Variants in PALM2AKAP2 observed in about 807,000 individuals in gnomAD.
PALM2AKAP2 encodes the protein PALM2 and AKAP2 fusion.
PALM2AKAP2 carries 37 observed loss-of-function variants against 71.5 expected under a neutral mutation model. The observed-to-expected ratio is 0.52, with a 90% CI of 0.40 to 0.68. The LOEUF (loss-of-function observed/expected upper bound fraction) is 0.68, where lower values mean the gene tolerates loss of function less well. Ranked by LOEUF, PALM2AKAP2 falls within the 30% of genes least tolerant of loss-of-function variation. The pLI is 0.00. For missense variants in PALM2AKAP2, 1,224 were observed against 1,191.8 expected, an observed-to-expected ratio of 1.03 and a Z score of -0.40; for synonymous variants, 468 against 478.8, an observed-to-expected ratio of 0.98 and a Z score of 0.29.
At chr9:109,810,051 C>T (rs191330373) in intron 1 of PALM2AKAP2, among the ~76,000 whole-genome samples, 12 of 152,294 alleles carry the variant, frequency 7.9e-5, no homozygotes, top group East Asian at 1.9e-4. Flanking sequence ...AATACACCCC[C>T]GAAGGCCCTA....
chr9:109,873,932 G>A (rs1040646124), intron 2 of PALM2AKAP2, among the ~76,000 whole-genome samples: 11 of 152,010 alleles, frequency 7.2e-5, no homozygotes, highest in African/African-American at 2.7e-4. Flanking sequence ...TTTGAACCTA[G>A]GAATTCGAGA....
chr9:109,745,275 C>T (rs1828780677), intron 1 of PALM2AKAP2, among the ~76,000 whole-genome samples: 1 of 152,118 alleles, frequency 6.6e-6, no homozygotes, highest in African/African-American at 2.4e-5. Flanking sequence ...TTGCTTGAAC[C>T]TAGGAGGCAG....
At chr9:109,662,974 TC>T (rs1827422420) in intron 1 of PALM2AKAP2, among the ~76,000 whole-genome samples, 2 of 152,336 alleles carry the variant, frequency 1.3e-5, no homozygotes, top group Non-Finnish European at 2.9e-5. Flanking sequence ...TATAGTATTC[TC>T]TGATGATAGC....
At chr9:109,783,965 A>T (rs1208689322) in intron 1 of PALM2AKAP2, among the ~76,000 whole-genome samples, 1 of 152,266 alleles carries the variant, frequency 6.6e-6, no homozygotes, top group Non-Finnish European at 1.5e-5. Context: ...GGAATCTTCC[A>T]TTTGGATCCA....
chr9:109,975,357 G>A (rs894364367), intron 6 of PALM2AKAP2, among the ~76,000 whole-genome samples: 5 of 152,150 alleles, frequency 3.3e-5, no homozygotes, highest in African/African-American at 4.8e-5. Flanking sequence ...CAGGTTAAGC[G>A]GAGAGAGAAA....
chr9:109,671,824 G>A (rs934823926), intron 1 of PALM2AKAP2, among the ~76,000 whole-genome samples: 1 of 152,050 alleles, frequency 6.6e-6, no homozygotes, highest in African/African-American at 2.4e-5. Context: ...AACACAGTTA[G>A]CTGTATTCCT....
chr9:109,779,411 G>C (rs1285184245), upstream of PALM2AKAP2, among the ~76,000 whole-genome samples: 1 of 152,066 alleles, frequency 6.6e-6, no homozygotes, highest in Non-Finnish European at 1.5e-5. Flanking sequence ...ACCCTGAAAG[G>C]ATTTCAATCC....
intron 2 of PALM2AKAP2, among the ~76,000 whole-genome samples, chr9:109,871,808 T>A (rs1192532926): frequency 2.0e-5 from 3 of 152,202 alleles, no homozygotes; most frequent in Non-Finnish European, 4.4e-5. Flanking sequence ...AGCATTCTTT[T>A]ACTTTAGGAT....
At chr9:110,062,041 G>T (rs558260619) in intron 1 of PALM2AKAP2, among the ~76,000 whole-genome samples, 1 of 152,010 alleles carries the variant, frequency 6.6e-6, no homozygotes, top group South Asian at 2.1e-4. Context: ...ACTATGGTTG[G>T]GGGTATAAAT....
At chr9:109,670,116 T>G (rs889194865) in intron 1 of PALM2AKAP2, among the ~76,000 whole-genome samples, 1 of 152,166 alleles carries the variant, frequency 6.6e-6, no homozygotes, top group Non-Finnish European at 1.5e-5. Context: ...AATATTTTAT[T>G]TTTTTAAAAA....
chr9:110,055,404 A>G (rs1833814703), intron 1 of PALM2AKAP2, among the ~76,000 whole-genome samples: 1 of 152,100 alleles, frequency 6.6e-6, no homozygotes, highest in African/African-American at 2.4e-5. Context: ...CATGTTGTCC[A>G]GGCTGGTCTC....
rs137893941 is a variant in PALM2AKAP2, at chr9:110,000,064, G to T, written c.497-15890G>T. Among the ~76,000 whole-genome samples, 490 of 151,270 alleles carry T rather than the reference G, an allele frequency of 3.2e-3. 3 individuals are homozygous for T. Among genetic ancestry groups the T allele is most frequent in the African/African-American group, 0.011 (452 of 41,162 alleles). ...TTAGGGTACATGTGCACAACATGCA[G>T]GTTTGTTACATATATATACATGTGC... is the stretch of plus-strand genomic sequence containing the variant. On this transcript the variant is annotated intron_variant, in intron 6 of 9. Coordinates refer to the PALM2AKAP2 transcript ENST00000302798.
At chr9:109,724,415 T>A (rs1360345040) in intron 1 of PALM2AKAP2, among the ~76,000 whole-genome samples, 1 of 152,092 alleles carries the variant, frequency 6.6e-6, no homozygotes. Context: ...TACAGGTGAA[T>A]GAAAACGGCC....
At chr9:109,995,525 G>A (rs1258394025) in intron 6 of PALM2AKAP2, among the ~76,000 whole-genome samples, 2 of 152,208 alleles carry the variant, frequency 1.3e-5, no homozygotes, top group Non-Finnish European at 1.5e-5. Context: ...CACATGGCTA[G>A]GGAGGCCTCA....
chr9:109,756,158 G>A (rs905997258), intron 1 of PALM2AKAP2, among the ~76,000 whole-genome samples: 3 of 152,128 alleles, frequency 2.0e-5, no homozygotes, highest in African/African-American at 7.2e-5. Flanking sequence ...TATACATACA[G>A]ATACCAACAG....
At chr9:109,749,586 G>C (rs984660685) in intron 1 of PALM2AKAP2, among the ~76,000 whole-genome samples, 3 of 151,218 alleles carry the variant, frequency 2.0e-5, no homozygotes, top group African/African-American at 7.3e-5. Context: ...TATTTTCTGG[G>C]AATTGAGAGT....
exon 4 of PALM2AKAP2, chr9:110,169,254 A>G (rs1836803444): frequency 6.6e-6 from 1 of 152,668 alleles, no homozygotes; most frequent in South Asian, 2.1e-4. Flanking sequence ...TCTGCAGTTT[A>G]TGAGAACACA....
At chr9:110,135,164 A>AAAAAAAATATATATATATAT in intron 1 of PALM2AKAP2, among the ~76,000 whole-genome samples, 2 of 51,744 alleles carry the variant, frequency 3.9e-5, no homozygotes, top group African/African-American at 7.4e-5. Context: ...AAAAAAAAAA[A>AAAAAAAATATATATATATAT]ATATATAAAT....
chr9:109,783,173 G>T (rs1306188567), intron 1 of PALM2AKAP2, among the ~76,000 whole-genome samples: 1 of 152,130 alleles, frequency 6.6e-6, no homozygotes, highest in African/African-American at 2.4e-5. Context: ...TGGGCTGGTT[G>T]TAAGGTTTAG....
Sources: gnomAD v4.1 joint callset for allele counts (sites outside exome capture counted in the v4.1 genomes callset) on GRCh38, gnomAD v4.1.1 for gene constraint, MANE v1.5 for transcripts, NCBI Gene and HGNC (gene_info 2026-07-23, HGNC 2026-07-21) for gene names.